Variants in COP1 observed in about 807,000 individuals in gnomAD.
The protein encoded by COP1 is E3 ubiquitin-protein ligase COP1.
A neutral mutation model predicts 101.3 loss-of-function variants in COP1; 24 were observed. The observed-to-expected ratio is 0.24, with a 90% CI of 0.17 to 0.33. COP1 has a LOEUF of 0.33. Ranked by LOEUF, COP1 falls within the 10% of genes least tolerant of loss-of-function variation. The probability of loss-of-function intolerance (pLI) is 1.00; values close to 1 mark genes in which losing one functional copy is unlikely to be tolerated. For missense variants in COP1, 663 were observed against 906.2 expected (o/e 0.73, Z 3.45); for synonymous variants, 347 against 341.9 (o/e 1.01, Z -0.17).
At chr1:176,182,045 G>A (rs1572724368) in intron 2 of COP1, among the ~76,000 whole-genome samples, 1 of 152,128 alleles carries the variant, frequency 6.6e-6, no homozygotes, top group Non-Finnish European at 1.5e-5. Flanking sequence ...GCCCTAGCCT[G>A]TCCATTTATA....
intron 11 of COP1, among the ~76,000 whole-genome samples, chr1:176,057,258 C>T (rs1385739122): frequency 6.6e-6 from 1 of 152,150 alleles, no homozygotes; most frequent in Non-Finnish European, 1.5e-5. Flanking sequence ...GAGTGATATG[C>T]TTTGCTATAA....
At chr1:176,050,839 G>A (rs1193001920) in intron 11 of COP1, among the ~76,000 whole-genome samples, 2 of 152,126 alleles carry the variant, frequency 1.3e-5, no homozygotes, top group African/African-American at 2.4e-5. Flanking sequence ...TTTGTCCACG[G>A]ATACACCAGA....
At chr1:175,964,744 C>T (rs1201861260) in intron 18 of COP1, among the ~76,000 whole-genome samples, 3 of 152,110 alleles carry the variant, frequency 2.0e-5, no homozygotes, top group East Asian at 3.9e-4. Flanking sequence ...AATACAGCTC[C>T]CTGGAGGGCA....
At position 175,972,771 on chromosome 1, in the gene COP1, T is replaced by C. The variant is rs1653580892; in HGVS notation, c.2133+14172A>G. Among the ~76,000 whole-genome samples, 3 of 151,948 alleles carry C rather than the reference T, an allele frequency of 2.0e-5. No homozygotes were observed. The South Asian group carries it at 6.2e-4, about 32-fold the overall frequency. Reference sequence around the variant, plus strand: ...GTAAGCCACTGCTCCCAGCCAAAAATGACAAGAATTTCTAGCCTCAGGAAG... The same window carrying C: ...GTAAGCCACTGCTCCCAGCCAAAAACGACAAGAATTTCTAGCCTCAGGAAG... On this transcript the variant is annotated intron_variant, in intron 18 of 19. Coordinates refer to ENST00000367669, the MANE Select transcript of COP1 (RefSeq NM_022457.7).
intron 18 of COP1, chr1:175,968,339 C>G (rs1652499700): frequency 2.2e-6 from 1 of 446,504 alleles, no homozygotes; most frequent in South Asian, 1.7e-5. Flanking sequence ...GTACTCATAA[C>G]CAGCAGATAC....
At chr1:176,153,543 T>C (rs1156503496) in intron 5 of COP1, among the ~76,000 whole-genome samples, 1 of 152,236 alleles carries the variant, frequency 6.6e-6, no homozygotes, top group Non-Finnish European at 1.5e-5. Context: ...AACAGATAGT[T>C]TGACTTACTC....
At chr1:176,123,724 AC>A (rs890949061) in intron 8 of COP1, among the ~76,000 whole-genome samples, 10 of 152,160 alleles carry the variant, frequency 6.6e-5, no homozygotes, top group African/African-American at 2.2e-4. Flanking sequence ...AAAAATCTTT[AC>A]CCCCACCCTG....
intron 1 of COP1, among the ~76,000 whole-genome samples, chr1:176,201,093 T>A (rs566026494): frequency 4.3e-4 from 65 of 152,236 alleles, no homozygotes; most frequent in Non-Finnish European, 7.9e-4. Flanking sequence ...AACATGACTA[T>A]CAGAGGAAAT....
At chr1:176,115,185 A>G (rs1486919945) in intron 9 of COP1, among the ~76,000 whole-genome samples, 1 of 152,212 alleles carries the variant, frequency 6.6e-6, no homozygotes, top group African/African-American at 2.4e-5. Context: ...GTGGTGGCTC[A>G]CGCCTGTAAT....
At chr1:176,167,406 C>CTGAATGAA (rs58699487) in intron 3 of COP1, among the ~76,000 whole-genome samples, 80 of 150,966 alleles carry the variant, frequency 5.3e-4, no homozygotes, top group South Asian at 1.7e-3. Flanking sequence ...CTGGTATTTG[C>CTGAATGAA]TGAATGAATG....
rs74863020 is a variant in COP1 at position 176,193,475 on chromosome 1, C to A, written c.408-8783G>T. On this transcript the variant is annotated intron_variant, in intron 1 of 19. Transcript: ENST00000367669. ...ACAAAAACTCATACACAAATGTTCACGGGAACATTATTCATAATAGACAGA... is the reference window on the plus strand; with the variant it reads ...ACAAAAACTCATACACAAATGTTCAAGGGAACATTATTCATAATAGACAGA... 5.3e-5 allele frequency among the ~76,000 whole-genome samples: 8 copies of A among 152,054 alleles called. No homozygotes were observed. The East Asian group carries it at 1.5e-3, about 29-fold the overall frequency.
At chr1:176,103,189 T>C (rs1252254921) in intron 9 of COP1, among the ~76,000 whole-genome samples, 2 of 152,228 alleles carry the variant, frequency 1.3e-5, no homozygotes, top group Non-Finnish European at 2.9e-5. Flanking sequence ...CTGAGTGATA[T>C]CAGCATCTTT....
At chr1:176,140,071 T>C (rs1176871562) in intron 6 of COP1, among the ~76,000 whole-genome samples, 1 of 152,220 alleles carries the variant, frequency 6.6e-6, no homozygotes, top group East Asian at 1.9e-4. Context: ...GCTTTTGAAC[T>C]TGAAATTCCA....
At chr1:176,056,815 T>C (rs536553871) in intron 11 of COP1, among the ~76,000 whole-genome samples, 1 of 152,322 alleles carries the variant, frequency 6.6e-6, no homozygotes, top group African/African-American at 2.4e-5. Context: ...TTCTGTGTTA[T>C]TCTCCTAAAT....
Position 176,185,415 on chromosome 1 carries a change from C to G in COP1, c.408-723G>C, listed in dbSNP as rs183569040. 8.5e-4 allele frequency among the ~76,000 whole-genome samples: 129 copies of G among 151,900 alleles called. 2 individuals carry two copies. The East Asian group carries it at 0.02, about 23-fold the overall frequency. On this transcript the variant is annotated intron_variant, in intron 1 of 19. Coordinates refer to ENST00000367669, the MANE Select transcript of COP1 (RefSeq NM_022457.7). ...CACTACTTTCTGGTACTTTAAATACCAATTGTAATCCTCTTCTGCCCTCTT... is the reference window on the plus strand; with the variant it reads ...CACTACTTTCTGGTACTTTAAATACGAATTGTAATCCTCTTCTGCCCTCTT...
chr1:176,124,267 C>G (rs1289316182), intron 8 of COP1, among the ~76,000 whole-genome samples: 1 of 151,992 alleles, frequency 6.6e-6, no homozygotes, highest in Non-Finnish European at 1.5e-5. Flanking sequence ...TACAAACAAC[C>G]CAATTATACT....
intron 11 of COP1, among the ~76,000 whole-genome samples, chr1:176,066,450 A>AC (rs1222141696): frequency 6.6e-6 from 1 of 152,158 alleles, no homozygotes; most frequent in Non-Finnish European, 1.5e-5. Flanking sequence ...CCTTCCAGTG[A>AC]TAAAATGGGC....
chr1:176,001,365 T>C (rs180857049), intron 15 of COP1, among the ~76,000 whole-genome samples: 8 of 152,244 alleles, frequency 5.3e-5, no homozygotes, highest in Admixed American at 1.3e-4. Flanking sequence ...GGATCTGACA[T>C]TTTCAGCGAT....
intron 6 of COP1, among the ~76,000 whole-genome samples, chr1:176,143,150 G>GAGAGCGAGAGAA (rs1553286897): frequency 3.3e-5 from 5 of 151,430 alleles, no homozygotes; most frequent in African/African-American, 1.2e-4. Flanking sequence ...GAGAGAAAGA[G>GAGAGCGAGAGAA]AGAGAGAGAG....
Sources: allele counts gnomAD v4.1 joint callset (sites outside exome capture counted in the v4.1 genomes callset), GRCh38; gene constraint gnomAD v4.1.1; transcripts MANE v1.5; gene names NCBI Gene and HGNC (gene_info 2026-07-23, HGNC 2026-07-21).